The following NSMCE2 variants were observed in gnomAD, a reference collection of about 807,000 sequenced individuals.
The protein encoded by NSMCE2 is NSE2 SUMO ligase component of SMC5/6 complex.
NSMCE2 carries 24 observed loss-of-function variants against 23.8 expected under a neutral mutation model. The ratio of observed to expected loss-of-function variants is 1.01; its 90% CI spans 0.73 to 1.42. NSMCE2 has a LOEUF of 1.42. NSMCE2 is among the 40% of genes most tolerant of loss of function. The pLI, the probability that NSMCE2 is intolerant of heterozygous loss-of-function variation, is 0.00. For synonymous variants in NSMCE2, 92 were observed against 94.1 expected (o/e 0.98, Z 0.13); for missense variants, 284 against 296.5 (o/e 0.96, Z 0.31).
chr8:125,285,542 A>T (rs145372723), intron 5 of NSMCE2, among the ~76,000 whole-genome samples: 1 of 152,212 alleles, frequency 6.6e-6, no homozygotes, highest in Non-Finnish European at 1.5e-5. Context: ...TAGGGTTTTG[A>T]AGACTGACAT....
chr8:125,223,269 G>C (rs1206407846), intron 5 of NSMCE2, among the ~76,000 whole-genome samples: 3 of 151,402 alleles, frequency 2.0e-5, no homozygotes, highest in African/African-American at 2.4e-5. Flanking sequence ...GAGGTAGGAG[G>C]ATTGCTTGAA....
At chr8:125,217,014 G>T (rs1024058111) in intron 5 of NSMCE2, among the ~76,000 whole-genome samples, 1 of 152,142 alleles carries the variant, frequency 6.6e-6, no homozygotes, top group African/African-American at 2.4e-5. Flanking sequence ...GTTATATATT[G>T]CATCCATTTA....
intron 5 of NSMCE2, among the ~76,000 whole-genome samples, chr8:125,294,650 A>G (rs536107287): frequency 4.6e-5 from 7 of 152,250 alleles, no homozygotes; most frequent in Middle Eastern, 3.2e-3. Context: ...TTGACTTTCT[A>G]AAACAAAACC....
chr8:125,339,973 C>T (rs1256356258), intron 5 of NSMCE2, among the ~76,000 whole-genome samples: 5 of 150,218 alleles, frequency 3.3e-5, no homozygotes, highest in Non-Finnish European at 5.9e-5. Flanking sequence ...GCTCCTGATC[C>T]TGGGAAACCA....
At chr8:125,361,367 C>G (rs531108228) in intron 7 of NSMCE2, among the ~76,000 whole-genome samples, 1 of 151,644 alleles carries the variant, frequency 6.6e-6, no homozygotes, top group South Asian at 2.1e-4. Flanking sequence ...CTAACCTGAC[C>G]ACAGTCACTT....
intron 5 of NSMCE2, among the ~76,000 whole-genome samples, chr8:125,322,910 GTAGC>G (rs1829511118): frequency 6.6e-6 from 1 of 152,152 alleles, no homozygotes. Flanking sequence ...AATACAAGGA[GTAGC>G]TGGGTGTGGT....
intron 3 of NSMCE2, among the ~76,000 whole-genome samples, chr8:125,106,749 A>T (rs1381747911): frequency 6.6e-6 from 1 of 151,766 alleles, no homozygotes; most frequent in Admixed American, 6.6e-5. Context: ...TAATCCTAGC[A>T]CTTTAGGAAG....
intron 5 of NSMCE2, among the ~76,000 whole-genome samples, chr8:125,198,031 T>A (rs1399804309): frequency 1.3e-5 from 2 of 152,224 alleles, no homozygotes; most frequent in African/African-American, 2.4e-5. Flanking sequence ...TTTTGCACAT[T>A]GATTTTGTAT....
chr8:125,337,900 A>AG (rs1294047057), intron 5 of NSMCE2, among the ~76,000 whole-genome samples: 8 of 151,104 alleles, frequency 5.3e-5, no homozygotes, highest in South Asian at 2.1e-4. Context: ...AAAAAAAAAA[A>AG]AAAAAGAAAG....
rs1307418387 is a variant in NSMCE2 at position 125,331,310 on chromosome 8, A to AAAT, written c.419-25901_419-25899dup. Among the ~76,000 whole-genome samples the AAAT allele has an allele frequency of 2.0e-5, 3 of 152,230 alleles. No individual in the cohort carries two copies. In the South Asian group the frequency reaches 6.2e-4, roughly 32 times the overall value. On this transcript the variant is annotated intron_variant, in intron 5 of 7. Coordinates refer to ENST00000287437, the MANE Select transcript of NSMCE2 (RefSeq NM_173685.4). Reference sequence around the variant, plus strand: ...GCGAGACTCCGTCTCAAAAAATAAAAAATAATAATAGTAATAATTTTAAAA... The same window carrying AAAT: ...GCGAGACTCCGTCTCAAAAAATAAAAAATAATAATAATAGTAATAATTTTAAAA...
At chr8:125,116,885 C>T (rs1395783191) in intron 3 of NSMCE2, among the ~76,000 whole-genome samples, 4 of 129,540 alleles carry the variant, frequency 3.1e-5, no homozygotes, top group Non-Finnish European at 6.5e-5. Context: ...AAGCATATAA[C>T]TTTTTTTTTT....
At position 125,367,020 on chromosome 8, in the gene NSMCE2, G is replaced by A; in HGVS notation, c.*135G>A. On this transcript the variant is annotated 3_prime_UTR_variant, in exon 8 of 8. Coordinates refer to ENST00000287437, the MANE Select transcript of NSMCE2 (RefSeq NM_173685.4). ...TGGGGGTAAAACTTGTTGCTTTTAT[G>A]TGTGCTTGAAAACATTTTTCAAAGT... 1.6e-6 allele frequency: 1 copy of A among 607,270 alleles called. No homozygotes were observed. Among genetic ancestry groups the A allele is most frequent in the Non-Finnish European group, 3.0e-6 (1 of 331,672 alleles). 37.6% of individuals were successfully genotyped at this position (607,270 alleles called of 1,614,324 possible).
At chr8:125,341,897 GAAAAAAA>G (rs61204647) in intron 5 of NSMCE2, among the ~76,000 whole-genome samples, 2 of 83,240 alleles carry the variant, frequency 2.4e-5, no homozygotes, top group Non-Finnish European at 4.6e-5. Flanking sequence ...TCTAGAAATG[GAAAAAAA>G]AAAAAAAAAA....
chr8:125,094,763 T>A (rs1368129964), intron 1 of NSMCE2, among the ~76,000 whole-genome samples: 2 of 152,252 alleles, frequency 1.3e-5, no homozygotes, highest in African/African-American at 4.8e-5. Context: ...GACTTTCTTC[T>A]TGGCTTGTAG....
chr8:125,278,372 C>G (rs1357961929), intron 5 of NSMCE2, among the ~76,000 whole-genome samples: 7 of 152,166 alleles, frequency 4.6e-5, no homozygotes, highest in African/African-American at 9.7e-5. Context: ...CTGTCTGGTT[C>G]CTTCAGAATG....
At chr8:125,231,630 A>C (rs887132755) in intron 5 of NSMCE2, among the ~76,000 whole-genome samples, 4 of 152,228 alleles carry the variant, frequency 2.6e-5, no homozygotes, top group African/African-American at 9.6e-5. Context: ...AGAAAACACC[A>C]GTGTGTATCA....
At chr8:125,340,535 G>C (rs1019104306) in intron 5 of NSMCE2, among the ~76,000 whole-genome samples, 5 of 152,054 alleles carry the variant, frequency 3.3e-5, no homozygotes, top group Admixed American at 6.5e-5. Flanking sequence ...ACTTGTTCCT[G>C]CTTTGCCATT....
intron 5 of NSMCE2, among the ~76,000 whole-genome samples, chr8:125,293,505 C>T (rs7843098): frequency 2.0e-5 from 3 of 147,824 alleles, no homozygotes; most frequent in Admixed American, 2.0e-4. Context: ...ATTTGAACTT[C>T]GTTCAATAAA....
intron 4 of NSMCE2, among the ~76,000 whole-genome samples, chr8:125,166,644 G>A (rs1343631393): frequency 2.0e-5 from 3 of 152,206 alleles, no homozygotes; most frequent in Non-Finnish European, 4.4e-5. Flanking sequence ...TCTTTCTGGT[G>A]AATTAGTTCT....
Sources: gnomAD v4.1 joint callset for allele counts (sites outside exome capture counted in the v4.1 genomes callset) on GRCh38, gnomAD v4.1.1 for gene constraint, MANE v1.5 for transcripts, NCBI Gene and HGNC (gene_info 2026-07-23, HGNC 2026-07-21) for gene names.